Variants in EEFSEC observed in about 807,000 individuals in gnomAD.
EEFSEC encodes the protein eukaryotic elongation factor, selenocysteine-tRNA specific.
A neutral mutation model predicts 42.1 loss-of-function variants in EEFSEC; 43 were observed. The ratio of observed to expected loss-of-function variants is 1.02; its 90% CI spans 0.80 to 1.32. The LOEUF is 1.32. EEFSEC is among the 40% of genes most tolerant of loss of function. The probability of loss-of-function intolerance (pLI) is 0.00; values close to 1 mark genes in which losing one functional copy is unlikely to be tolerated. For synonymous variants in EEFSEC, 354 were observed against 339.1 expected (o/e 1.04, Z -0.48); for missense variants, 745 against 803.6 (o/e 0.93, Z 0.88).
the EEFSEC span, among the ~76,000 whole-genome samples, chr3:128,421,596 T>C: frequency 2.6e-5 from 4 of 152,190 alleles, no homozygotes; most frequent in African/African-American, 9.7e-5. Context: ...CCATTCAGCC[T>C]CTTGTGCCGA....
chr3:128,253,046 G>A (rs1215066404), intron 2 of EEFSEC, among the ~76,000 whole-genome samples: 2 of 152,232 alleles, frequency 1.3e-5, no homozygotes, highest in Non-Finnish European at 2.9e-5. Flanking sequence ...AAGCCAGGGT[G>A]CCCTAATGTG....
intron 4 of EEFSEC, among the ~76,000 whole-genome samples, chr3:128,338,105 T>C (rs1466819137): frequency 6.6e-6 from 1 of 152,250 alleles, no homozygotes; most frequent in African/African-American, 2.4e-5. Flanking sequence ...ATGCACTATG[T>C]GCACAGGTTT....
In EEFSEC at chr3:128,169,434, A is replaced by G. The variant is rs1370741353; in HGVS notation, c.316+15611A>G. ...GGAAGTCCCAGTTTTGCTGAAAGAT[A>G]AGCGTGGCACATCCTATCATTCTGA... On this transcript the variant is annotated intron_variant, in intron 1 of 6. Coordinates refer to ENST00000254730, the MANE Select transcript of EEFSEC (RefSeq NM_021937.5). 2.0e-5 allele frequency among the ~76,000 whole-genome samples: 3 copies of G among 152,328 alleles called. No individual in the cohort carries two copies. The East Asian group carries it at 5.8e-4, about 29-fold the overall frequency.
intron 1 of EEFSEC, among the ~76,000 whole-genome samples, chr3:128,236,074 C>T (rs944783758): frequency 6.6e-6 from 1 of 152,224 alleles, no homozygotes; most frequent in Non-Finnish European, 1.5e-5. Flanking sequence ...AAGTGTTTCT[C>T]CTGTCTCAGG....
chr3:128,396,959 A>G (rs1576702071), intron 6 of EEFSEC, among the ~76,000 whole-genome samples: 1 of 152,206 alleles, frequency 6.6e-6, no homozygotes, highest in African/African-American at 2.4e-5. Context: ...TTTCAGTGCC[A>G]GTCTCCACAG....
At chr3:128,284,695 A>G (rs958662941) in intron 4 of EEFSEC, among the ~76,000 whole-genome samples, 4 of 152,336 alleles carry the variant, frequency 2.6e-5, no homozygotes, top group African/African-American at 4.8e-5. Context: ...GGGAATGTCC[A>G]TCATGGACTA....
chr3:128,327,289 CA>C (rs2067074689), intron 4 of EEFSEC, among the ~76,000 whole-genome samples: 3 of 138,380 alleles, frequency 2.2e-5, no homozygotes, highest in African/African-American at 9.1e-5. Context: ...GCACTTTTCC[CA>C]TCCCCCCCCC....
the EEFSEC span, among the ~76,000 whole-genome samples, chr3:128,420,165 C>G: frequency 2.6e-5 from 4 of 152,196 alleles, no homozygotes; most frequent in Non-Finnish European, 5.9e-5. Flanking sequence ...AGAGAGGCCC[C>G]GCGCAGAGCA....
intron 5 of EEFSEC, among the ~76,000 whole-genome samples, chr3:128,342,717 G>A (rs1343024079): frequency 6.6e-6 from 1 of 152,180 alleles, no homozygotes; most frequent in Non-Finnish European, 1.5e-5. Context: ...GGCCTCCCTC[G>A]GCTGGTCCTG....
At chr3:128,204,373 C>T (rs1015324448) in intron 1 of EEFSEC, among the ~76,000 whole-genome samples, 1 of 152,124 alleles carries the variant, frequency 6.6e-6, no homozygotes, top group African/African-American at 2.4e-5. Flanking sequence ...TAAATATTAA[C>T]TGTTATTATT....
intron 1 of EEFSEC, among the ~76,000 whole-genome samples, chr3:128,205,773 T>G (rs1559867829): frequency 6.6e-6 from 1 of 152,218 alleles, no homozygotes; most frequent in South Asian, 2.1e-4. Flanking sequence ...TTTGTGTGAC[T>G]GGGATAGTTG....
intron 6 of EEFSEC, among the ~76,000 whole-genome samples, chr3:128,378,080 C>T (rs1402001095): frequency 6.6e-6 from 1 of 152,198 alleles, no homozygotes; most frequent in African/African-American, 2.4e-5. Context: ...CAAAATTTCC[C>T]ACTTCAGCCT....
chr3:128,329,154 C>T (rs2067097621), intron 4 of EEFSEC, among the ~76,000 whole-genome samples: 1 of 152,204 alleles, frequency 6.6e-6, no homozygotes, highest in Non-Finnish European at 1.5e-5. Flanking sequence ...GGAGGGAGAG[C>T]GAGGCCCAGG....
chr3:128,295,447 C>G (rs1362706223), intron 4 of EEFSEC, among the ~76,000 whole-genome samples: 1 of 45,578 alleles, frequency 2.2e-5, no homozygotes, highest in African/African-American at 4.8e-5. Flanking sequence ...TGTACTTCCC[C>G]CTACTTTTTT....
chr3:128,234,699 A>G (rs1477319053), intron 1 of EEFSEC, among the ~76,000 whole-genome samples: 2 of 152,236 alleles, frequency 1.3e-5, no homozygotes, highest in Admixed American at 6.5e-5. Context: ...TAACTTGTAG[A>G]TCAAAGCTAG....
At chr3:128,423,578 C>T in the EEFSEC span, among the ~76,000 whole-genome samples, 2 of 152,208 alleles carry the variant, frequency 1.3e-5, no homozygotes, top group South Asian at 4.1e-4. Flanking sequence ...AGAAACCAAT[C>T]GTGAAAGGCC....
chr3:128,234,977 G>A (rs1002184182), intron 1 of EEFSEC, among the ~76,000 whole-genome samples: 5 of 152,142 alleles, frequency 3.3e-5, no homozygotes, highest in African/African-American at 4.8e-5. Flanking sequence ...TACTTTTATT[G>A]TACTTCTTTT....
At chr3:128,153,920 AT>A in intron 1 of EEFSEC, 97 bp downstream of exon 1, 3 of 1,408,398 alleles carry the variant, frequency 2.1e-6, no homozygotes, top group Non-Finnish European at 2.8e-6. Flanking sequence ...GGGACGGGAA[AT>A]CGCCCCACCT....
intron 4 of EEFSEC, among the ~76,000 whole-genome samples, chr3:128,320,628 A>G (rs997652452): frequency 7.2e-5 from 11 of 152,196 alleles, no homozygotes; most frequent in Non-Finnish European, 1.3e-4. Context: ...CTTGCCATCA[A>G]TTGCTCATTT....
Sources: gnomAD v4.1 joint callset for allele counts (sites outside exome capture counted in the v4.1 genomes callset) on GRCh38, gnomAD v4.1.1 for gene constraint, MANE v1.5 for transcripts, NCBI Gene and HGNC (gene_info 2026-07-23, HGNC 2026-07-21) for gene names.